SLC14A2: variants seen among roughly 807,000 people sequenced by gnomAD.
SLC14A2 encodes the protein solute carrier family 14 member 2, also known as urea transporter 2.
SLC14A2 carries 91 observed loss-of-function variants against 104.6 expected under a neutral mutation model. The observed-to-expected ratio is 0.87, with a 90% CI of 0.73 to 1.04. The LOEUF (loss-of-function observed/expected upper bound fraction) is 1.04. SLC14A2 is among the 50% of genes least tolerant of loss of function. The probability of loss-of-function intolerance (pLI) is 0.00; values close to 1 mark genes in which losing one functional copy is unlikely to be tolerated. For missense variants in SLC14A2, 1,189 were observed against 1,156.0 expected (o/e 1.03, Z -0.41); for synonymous variants, 476 against 466.4 (o/e 1.02, Z -0.27).
At chr18:45,593,232 G>C (rs985895705) in intron 2 of SLC14A2, among the ~76,000 whole-genome samples, 4 of 151,696 alleles carry the variant, frequency 2.6e-5, no homozygotes, top group Non-Finnish European at 4.4e-5. Flanking sequence ...CAGGAGAATG[G>C]CGTGAACCCG....
At chr18:45,513,022 T>G (rs998364281) in intron 2 of SLC14A2, among the ~76,000 whole-genome samples, 1 of 152,182 alleles carries the variant, frequency 6.6e-6, no homozygotes, top group African/African-American at 2.4e-5. Context: ...CCCAGAAACT[T>G]ACTATTAGCC....
chr18:45,455,674 C>A (rs2086931661), intron 1 of SLC14A2, among the ~76,000 whole-genome samples: 2 of 142,220 alleles, frequency 1.4e-5, no homozygotes, highest in Admixed American at 7.2e-5. Context: ...AAAAAAAAAT[C>A]TATTGAGCAT....
chr18:45,440,043 A>G (rs1376997515), intron 1 of SLC14A2, among the ~76,000 whole-genome samples: 1 of 152,116 alleles, frequency 6.6e-6, no homozygotes, highest in East Asian at 1.9e-4. Context: ...AAGCCCAGTC[A>G]TAATATTGTG....
chr18:45,213,618 G>A (rs2143971374), intron 1 of SLC14A2, among the ~76,000 whole-genome samples: 1 of 152,272 alleles, frequency 6.6e-6, no homozygotes, highest in Admixed American at 6.5e-5. Context: ...AACGTTAAAG[G>A]TGACTGAGTA....
chr18:45,507,546 C>A (rs1039054019), intron 2 of SLC14A2: 1 of 152,306 alleles, frequency 6.6e-6, no homozygotes, highest in Middle Eastern at 3.2e-3. Context: ...TGTCACCCTG[C>A]AGTCCTGGGC....
intron 2 of SLC14A2, among the ~76,000 whole-genome samples, chr18:45,513,168 C>G (rs2043391640): frequency 6.6e-6 from 1 of 152,208 alleles, no homozygotes; most frequent in Non-Finnish European, 1.5e-5. Context: ...TTGTTCTCTA[C>G]TCAGACTTCT....
chr18:45,302,080 T>C (rs1472363867), intron 1 of SLC14A2, among the ~76,000 whole-genome samples: 2 of 152,202 alleles, frequency 1.3e-5, no homozygotes, highest in Non-Finnish European at 1.5e-5. Context: ...ATAACAATCA[T>C]CATCTGTGTT....
At chr18:45,283,542 C>G (rs1430750832) in intron 1 of SLC14A2, among the ~76,000 whole-genome samples, 1 of 152,182 alleles carries the variant, frequency 6.6e-6, no homozygotes, top group Non-Finnish European at 1.5e-5. Flanking sequence ...GCTGCAGTCA[C>G]TAGCACAGCT....
chr18:45,556,301 A>T (rs2044132533), intron 2 of SLC14A2, among the ~76,000 whole-genome samples: 1 of 152,126 alleles, frequency 6.6e-6, no homozygotes, highest in Non-Finnish European at 1.5e-5. Context: ...CCACCTTATC[A>T]TATATTTTAG....
the SLC14A2 span, among the ~76,000 whole-genome samples, chr18:45,207,540 T>C: frequency 6.6e-6 from 1 of 152,040 alleles, no homozygotes; most frequent in Admixed American, 6.6e-5. Flanking sequence ...ATGTGAGCAG[T>C]TGAAAATCTA....
At chr18:45,206,420 C>T in the SLC14A2 span, among the ~76,000 whole-genome samples, 73 of 149,196 alleles carry the variant, frequency 4.9e-4, no homozygotes, top group African/African-American at 1.7e-3. Context: ...CATACACATA[C>T]ACACACACGT....
intron 2 of SLC14A2, among the ~76,000 whole-genome samples, chr18:45,545,623 C>T (rs1037753778): frequency 1.3e-5 from 2 of 152,180 alleles, no homozygotes; most frequent in African/African-American, 4.8e-5. Flanking sequence ...ACCATGCAGA[C>T]TAGCAGCTTG....
chr18:45,382,916 G>T (rs757767180), intron 1 of SLC14A2, among the ~76,000 whole-genome samples: 1 of 152,198 alleles, frequency 6.6e-6, no homozygotes, highest in African/African-American at 2.4e-5. Context: ...ATAGTAAGTA[G>T]TTTTAATCTC....
At chr18:45,224,347 T>C (rs1387272437) in intron 1 of SLC14A2, among the ~76,000 whole-genome samples, 1 of 152,172 alleles carries the variant, frequency 6.6e-6, no homozygotes, top group Non-Finnish European at 1.5e-5. Flanking sequence ...AAGCCCTGGA[T>C]CAGCTGTGGG....
chr18:45,673,847 C>T, intron 18 of SLC14A2, 30 bp downstream of exon 18: 1 of 1,600,422 alleles, frequency 6.2e-7, no homozygotes, highest in Non-Finnish European at 8.6e-7. Context: ...GATTTGTTTC[C>T]TTTATAAAAG....
intron 1 of SLC14A2, among the ~76,000 whole-genome samples, chr18:45,301,852 G>A (rs1375597195): frequency 6.6e-6 from 1 of 152,172 alleles, no homozygotes; most frequent in East Asian, 1.9e-4. Flanking sequence ...TTGTCCTTGA[G>A]TGTGCCATAA....
At chr18:45,499,046 T>G (rs2043148317) in intron 2 of SLC14A2, among the ~76,000 whole-genome samples, 1 of 152,208 alleles carries the variant, frequency 6.6e-6, no homozygotes, top group Non-Finnish European at 1.5e-5. Context: ...CTCTGTCCCC[T>G]TGGTCTTCTC....
intron 1 of SLC14A2, among the ~76,000 whole-genome samples, chr18:45,430,780 C>G (rs918206113): frequency 2.0e-5 from 3 of 151,906 alleles, no homozygotes; most frequent in Admixed American, 6.6e-5. Context: ...GAAAACCAGA[C>G]AGAGAAAGAG....
At chr18:45,569,325 C>A (rs1345844515) in intron 2 of SLC14A2, among the ~76,000 whole-genome samples, 1 of 152,208 alleles carries the variant, frequency 6.6e-6, no homozygotes, top group East Asian at 1.9e-4. Flanking sequence ...CAACTATCTC[C>A]CTATTTGAAA....
Sources: gnomAD v4.1 joint callset for allele counts (sites outside exome capture counted in the v4.1 genomes callset) on GRCh38, gnomAD v4.1.1 for gene constraint, MANE v1.5 for transcripts, NCBI Gene and HGNC (gene_info 2026-07-23, HGNC 2026-07-21) for gene names.